Variants in RBFOX1 observed in about 807,000 individuals in gnomAD.
RBFOX1 encodes RNA binding fox-1 homolog 1.
A neutral mutation model predicts 57.7 loss-of-function variants in RBFOX1; 8 were observed. The ratio of observed to expected loss-of-function variants is 0.14; its 90% CI spans 0.08 to 0.25. The LOEUF is 0.25. Ranked by LOEUF, RBFOX1 falls within the 10% of genes least tolerant of loss-of-function variation. The probability of loss-of-function intolerance (pLI) is 1.00; values close to 1 mark genes in which losing one functional copy is unlikely to be tolerated. For missense variants in RBFOX1, 611 were observed against 548.5 expected (o/e 1.11, Z -1.14); for synonymous variants, 326 against 222.4 (o/e 1.47, Z -4.15).
intron 4 of RBFOX1, among the ~76,000 whole-genome samples, chr16:5,915,637 GC>G (rs1457416650): frequency 6.6e-6 from 1 of 152,110 alleles, no homozygotes; most frequent in Admixed American, 6.6e-5. Context: ...TTTGAGACCA[GC>G]CTGGCCAATA....
intron 2 of RBFOX1, among the ~76,000 whole-genome samples, chr16:6,624,674 T>C (rs541909376): frequency 6.6e-6 from 1 of 152,280 alleles, no homozygotes; most frequent in East Asian, 1.9e-4. Context: ...GTGGCATTTC[T>C]TGAGGTCACC....
chr16:6,841,244 C>T (rs925748503), intron 3 of RBFOX1, among the ~76,000 whole-genome samples: 3 of 152,084 alleles, frequency 2.0e-5, no homozygotes, highest in East Asian at 1.9e-4. Flanking sequence ...TTATCCTGCC[C>T]ATTATACTCA....
At chr16:7,309,574 C>G (rs985153143) in intron 4 of RBFOX1, among the ~76,000 whole-genome samples, 13 of 152,210 alleles carry the variant, frequency 8.5e-5, no homozygotes, top group Non-Finnish European at 1.2e-4. Context: ...TTCCTTACAG[C>G]TGACCCTTGA....
intron 4 of RBFOX1, among the ~76,000 whole-genome samples, chr16:7,068,788 C>G (rs939506320): frequency 1.3e-5 from 2 of 152,126 alleles, no homozygotes; most frequent in Non-Finnish European, 2.9e-5. Flanking sequence ...GGAGTTTCAC[C>G]ATGTTGGCCA....
intron 2 of RBFOX1, among the ~76,000 whole-genome samples, chr16:5,481,573 T>C (rs1419164312): frequency 6.6e-6 from 1 of 152,230 alleles, no homozygotes; most frequent in East Asian, 1.9e-4. Context: ...ACATGATGCA[T>C]AGATGCTTGA....
chr16:6,014,112 T>G (rs1327502941), upstream of RBFOX1, among the ~76,000 whole-genome samples: 1 of 151,924 alleles, frequency 6.6e-6, no homozygotes, highest in Non-Finnish European at 1.5e-5. Context: ...TAAAGTATAA[T>G]AAAAAAATTA....
chr16:7,598,487 G>A (rs937728699), intron 9 of RBFOX1, among the ~76,000 whole-genome samples: 5 of 151,716 alleles, frequency 3.3e-5, no homozygotes, highest in Non-Finnish European at 7.4e-5. Flanking sequence ...ATGGAGATAC[G>A]GATTTTTTAA....
intron 2 of RBFOX1, among the ~76,000 whole-genome samples, chr16:6,338,406 T>G (rs766707278): frequency 2.0e-5 from 3 of 152,178 alleles, no homozygotes; most frequent in Non-Finnish European, 2.9e-5. Flanking sequence ...TATCAGTCAG[T>G]AGGTTCTAAA....
At chr16:7,076,462 A>T (rs555870749) in intron 4 of RBFOX1, among the ~76,000 whole-genome samples, 1 of 152,162 alleles carries the variant, frequency 6.6e-6, no homozygotes, top group Admixed American at 6.5e-5. Context: ...AATAGGATAT[A>T]CCAGATTTCT....
intron 5 of RBFOX1, among the ~76,000 whole-genome samples, chr16:7,547,040 G>A (rs1436427004): frequency 6.6e-6 from 1 of 152,016 alleles, no homozygotes; most frequent in African/African-American, 2.4e-5. Context: ...GCACGGCAGT[G>A]TCCTGTCTCC....
At chr16:6,119,550 A>G (rs1002940164) in intron 1 of RBFOX1, among the ~76,000 whole-genome samples, 1 of 152,202 alleles carries the variant, frequency 6.6e-6, no homozygotes, top group Non-Finnish European at 1.5e-5. Flanking sequence ...TGCCCTGTAC[A>G]TGTATTCATT....
At chr16:7,080,154 C>G (rs916590859) in intron 4 of RBFOX1, among the ~76,000 whole-genome samples, 1 of 150,148 alleles carries the variant, frequency 6.7e-6, no homozygotes, top group East Asian at 2.0e-4. Context: ...AATATTATTC[C>G]TCAGCCAAAA....
intron 4 of RBFOX1, among the ~76,000 whole-genome samples, chr16:7,435,517 G>C (rs892540312): frequency 1.3e-5 from 2 of 152,140 alleles, no homozygotes; most frequent in African/African-American, 4.8e-5. Context: ...TGACACTTAC[G>C]GGTGAGGTGT....
At chr16:7,061,711 C>A (rs934187386) in intron 4 of RBFOX1, among the ~76,000 whole-genome samples, 1 of 152,158 alleles carries the variant, frequency 6.6e-6, no homozygotes, top group African/African-American at 2.4e-5. Context: ...ATCATTAAAT[C>A]TGTATCAAAC....
intron 1 of RBFOX1, among the ~76,000 whole-genome samples, chr16:6,235,786 G>A (rs543221286): frequency 1.3e-5 from 2 of 152,166 alleles, no homozygotes; most frequent in Admixed American, 6.5e-5. Context: ...ATGTTCTCAC[G>A]CATAGTGGGA....
At chr16:5,738,385 A>G (rs2052655218) in intron 3 of RBFOX1, among the ~76,000 whole-genome samples, 1 of 151,908 alleles carries the variant, frequency 6.6e-6, no homozygotes, top group South Asian at 2.1e-4. Context: ...TAATCCCAAC[A>G]GTTTGGGAGG....
In RBFOX1 at chr16:6,258,969, A is replaced by C. The variant is rs373121190; in HGVS notation, c.-126-58026A>C. On this transcript the variant is annotated intron_variant, in intron 1 of 15. Transcript: ENST00000550418. ...AATGAATCAATGCAATTCCGAGTTC[A>C]TTTACAACATTAGATGACTGATACA... 3.7e-4 allele frequency among the ~76,000 whole-genome samples: 56 copies of C among 152,340 alleles called. 1 individual carries two copies. The highest frequency in any genetic ancestry group is 1.3e-3 in the African/African-American group (54 of 41,588).
intron 3 of RBFOX1, among the ~76,000 whole-genome samples, chr16:6,986,527 A>T (rs1178435856): frequency 6.6e-6 from 1 of 152,116 alleles, no homozygotes; most frequent in Non-Finnish European, 1.5e-5. Context: ...CATGGGCTCA[A>T]CTGATTCACC....
chr16:6,774,403 C>G (rs575364375), intron 3 of RBFOX1, among the ~76,000 whole-genome samples: 6 of 152,266 alleles, frequency 3.9e-5, no homozygotes, highest in Non-Finnish European at 7.4e-5. Context: ...GTTATGATCA[C>G]AATTTCTAAA....
Sources: gnomAD v4.1 joint callset for allele counts (sites outside exome capture counted in the v4.1 genomes callset) on GRCh38, gnomAD v4.1.1 for gene constraint, MANE v1.5 for transcripts, NCBI Gene and HGNC (gene_info 2026-07-23, HGNC 2026-07-21) for gene names.